The following CADM2 variants were observed in gnomAD, a reference collection of about 807,000 sequenced individuals.
The protein encoded by CADM2 is cell adhesion molecule 2.
A neutral mutation model predicts 49.8 loss-of-function variants in CADM2; 12 were observed. The observed-to-expected ratio is 0.24, with a 90% CI of 0.15 to 0.39. The LOEUF (loss-of-function observed/expected upper bound fraction) is 0.39, where lower values mean the gene tolerates loss of function less well. Among genes scored for constraint, CADM2 ranks in the 10% least tolerant of loss-of-function variants. The probability of loss-of-function intolerance (pLI) is 1.00; values close to 1 mark genes in which losing one functional copy is unlikely to be tolerated. For synonymous variants in CADM2, 214 were observed against 175.4 expected (o/e 1.22, Z -1.74); for missense variants, 378 against 492.3 (o/e 0.77, Z 2.20).
intron 1 of CADM2, among the ~76,000 whole-genome samples, chr3:85,491,413 T>G (rs1030446694): frequency 1.3e-5 from 2 of 152,164 alleles, no homozygotes; most frequent in Admixed American, 1.3e-4. Context: ...TACATTCTCT[T>G]TAATGGAAAA....
At position 85,436,232 on chromosome 3, in the gene CADM2, T is replaced by C. The variant is rs543337507; in HGVS notation, c.62-290290T>C. ...GATTTGACTCTCTGTTTATCTATTA[T>C]TGGTGTATAGGAATGCTTGAGATTT... On this transcript the variant is annotated intron_variant, in intron 1 of 9. Transcript: ENST00000383699. 8.5e-5 allele frequency among the ~76,000 whole-genome samples: 13 copies of C among 152,246 alleles called. 1 individual carries two copies. Among genetic ancestry groups the C allele is most frequent in the Middle Eastern group, 6.8e-3 (2 of 294 alleles).
At chr3:85,803,972 CT>C (rs1201187042) in intron 3 of CADM2, among the ~76,000 whole-genome samples, 3 of 151,960 alleles carry the variant, frequency 2.0e-5, no homozygotes, top group Non-Finnish European at 4.4e-5. Flanking sequence ...TCAAGTAGAA[CT>C]TTATTATTTA....
chr3:84,972,967 T>G (rs2031563464), intron 1 of CADM2, among the ~76,000 whole-genome samples: 1 of 152,154 alleles, frequency 6.6e-6, no homozygotes, highest in South Asian at 2.1e-4. Context: ...CAGGCTAGAG[T>G]GCAGTGGCAT....
intron 2 of CADM2, among the ~76,000 whole-genome samples, chr3:85,793,821 A>G (rs2071473219): frequency 6.6e-6 from 1 of 152,188 alleles, no homozygotes; most frequent in African/African-American, 2.4e-5. Context: ...AATTGAATTT[A>G]CCTTATTTTC....
At chr3:85,134,230 G>A (rs1412378210) in intron 1 of CADM2, among the ~76,000 whole-genome samples, 1 of 152,196 alleles carries the variant, frequency 6.6e-6, no homozygotes, top group African/African-American at 2.4e-5. Flanking sequence ...CCCGGTTCCC[G>A]CTCGCGCGTC....
At chr3:85,869,863 A>T (rs559474598) in intron 3 of CADM2, among the ~76,000 whole-genome samples, 6 of 152,014 alleles carry the variant, frequency 3.9e-5, no homozygotes, top group Admixed American at 6.6e-5. Flanking sequence ...GAGTTTCACC[A>T]TGTTAGCCAG....
intron 5 of CADM2, among the ~76,000 whole-genome samples, chr3:85,904,055 C>T (rs1191342235): frequency 6.6e-6 from 1 of 152,132 alleles, no homozygotes; most frequent in East Asian, 1.9e-4. Flanking sequence ...GGCTTTCTTA[C>T]TTGCTTTCTT....
intron 2 of CADM2, among the ~76,000 whole-genome samples, chr3:85,774,502 A>G (rs2070259837): frequency 6.6e-6 from 1 of 151,786 alleles, no homozygotes; most frequent in African/African-American, 2.4e-5. Flanking sequence ...ATTATGATGC[A>G]TCTTATTTAA....
intron 1 of CADM2, among the ~76,000 whole-genome samples, chr3:85,457,247 T>C (rs2038034562): frequency 6.6e-6 from 1 of 151,926 alleles, no homozygotes. Context: ...ACACCATCTC[T>C]ACAAAATACA....
intron 3 of CADM2, among the ~76,000 whole-genome samples, chr3:85,820,870 G>C (rs2073514632): frequency 6.6e-6 from 1 of 151,980 alleles, no homozygotes; most frequent in African/African-American, 2.4e-5. Flanking sequence ...GAGGTGAGGG[G>C]GAGACAGCAC....
chr3:85,633,198 G>A (rs1209561161), intron 1 of CADM2, among the ~76,000 whole-genome samples: 1 of 152,016 alleles, frequency 6.6e-6, no homozygotes, highest in East Asian at 1.9e-4. Context: ...TTGTGGCTGA[G>A]TGTTGCCATT....
chr3:85,513,935 T>C (rs1173589918), intron 1 of CADM2, among the ~76,000 whole-genome samples: 1 of 152,046 alleles, frequency 6.6e-6, no homozygotes, highest in Non-Finnish European at 1.5e-5. Context: ...ATGTTATTGT[T>C]ATTTGAATAT....
At chr3:85,552,036 C>A (rs1354705312) in intron 1 of CADM2, among the ~76,000 whole-genome samples, 1 of 151,834 alleles carries the variant, frequency 6.6e-6, no homozygotes, top group Non-Finnish European at 1.5e-5. Context: ...TATAAAAGAC[C>A]ATACAATATA....
intron 1 of CADM2, among the ~76,000 whole-genome samples, chr3:85,486,077 T>G (rs2039402381): frequency 6.6e-6 from 1 of 152,098 alleles, no homozygotes; most frequent in Admixed American, 6.6e-5. Flanking sequence ...TTATTCTCAT[T>G]TCAAGTAAAA....
At chr3:85,187,988 T>A (rs1423754941) in intron 1 of CADM2, among the ~76,000 whole-genome samples, 4 of 152,038 alleles carry the variant, frequency 2.6e-5, no homozygotes, top group Non-Finnish European at 5.9e-5. Context: ...TATCTTAGAT[T>A]CTCACAATTA....
At chr3:85,916,043 T>C (rs1457253744) in intron 6 of CADM2, among the ~76,000 whole-genome samples, 1 of 152,200 alleles carries the variant, frequency 6.6e-6, no homozygotes, top group Non-Finnish European at 1.5e-5. Flanking sequence ...GGCTTAACTG[T>C]GTTAAGTCTG....
rs181134509 is a variant in CADM2 at position 85,280,125 on chromosome 3, C to G, written c.61+320457C>G. Reference sequence around the variant, plus strand: ...CCAATAATTATAAGTTTACATTAAGCTGATAACAACTTAACTTTAATCACA... The same window carrying G: ...CCAATAATTATAAGTTTACATTAAGGTGATAACAACTTAACTTTAATCACA... On this transcript the variant is annotated intron_variant, in intron 1 of 9. Transcript: ENST00000383699. 1.7e-3 allele frequency among the ~76,000 whole-genome samples: 253 copies of G among 151,728 alleles called. 1 individual carries two copies. Among genetic ancestry groups the G allele is most frequent in the Admixed American group, 4.1e-3 (62 of 15,186 alleles).
In CADM2 at chr3:85,785,959, G is replaced by C. The variant is rs151144053; in HGVS notation, c.89-16088G>C. 5.4e-3 allele frequency among the ~76,000 whole-genome samples: 817 copies of C among 152,102 alleles called. 28 individuals carry two copies. Among genetic ancestry groups the C allele is most frequent in the Admixed American group, 0.049 (744 of 15,250 alleles). ...TCCAGTACAAATCTATGAATGATTTGAATTGCAAAGATGATTCAACCAAGA... is the reference window on the plus strand; with the variant it reads ...TCCAGTACAAATCTATGAATGATTTCAATTGCAAAGATGATTCAACCAAGA... On this transcript the variant is annotated intron_variant, in intron 2 of 9. Transcript: ENST00000383699.
At chr3:85,954,114 A>G (rs756945016) in intron 7 of CADM2, among the ~76,000 whole-genome samples, 13 of 151,072 alleles carry the variant, frequency 8.6e-5, no homozygotes, top group Non-Finnish European at 1.8e-4. Context: ...TTGCTGCCAT[A>G]AAAGTATGAA....
Sources: gnomAD v4.1 joint callset for allele counts (sites outside exome capture counted in the v4.1 genomes callset) on GRCh38, gnomAD v4.1.1 for gene constraint, MANE v1.5 for transcripts, NCBI Gene and HGNC (gene_info 2026-07-23, HGNC 2026-07-21) for gene names.